The following RBFOX1 variants were observed in gnomAD, a reference collection of about 807,000 sequenced individuals.
RBFOX1 encodes RNA binding protein fox-1 homolog 1.
RBFOX1 carries 8 observed loss-of-function variants against 57.7 expected under a neutral mutation model. The ratio of observed to expected loss-of-function variants is 0.14; its 90% CI spans 0.08 to 0.25. The LOEUF (loss-of-function observed/expected upper bound fraction) is 0.25, where lower values mean the gene tolerates loss of function less well. Ranked by LOEUF, RBFOX1 falls within the 10% of genes least tolerant of loss-of-function variation. The probability of loss-of-function intolerance (pLI) is 1.00; values close to 1 mark genes in which losing one functional copy is unlikely to be tolerated. For synonymous variants in RBFOX1, 326 were observed against 222.4 expected (o/e 1.47, Z -4.15); for missense variants, 611 against 548.5 (o/e 1.11, Z -1.14).
Position 5,378,408 on chromosome 16 carries a change from G to T in RBFOX1, c.220-88808G>T, listed in dbSNP as rs775318823. 2.0e-5 allele frequency among the ~76,000 whole-genome samples: 3 copies of T among 151,556 alleles called. 1 individual carries two copies. The highest frequency in any genetic ancestry group is 4.9e-5 in the African/African-American group (2 of 40,830). On this transcript the variant is annotated intron_variant, in intron 1 of 2. Transcript: ENST00000585867. Reference sequence around the variant, plus strand: ...CACTCCACCCAGCCCGCCCAGGATCGGGGAGTTAGCCTCCCTTCGAACACT... The same window carrying T: ...CACTCCACCCAGCCCGCCCAGGATCTGGGAGTTAGCCTCCCTTCGAACACT...
chr16:6,947,371 T>G (rs1267297226), intron 3 of RBFOX1, among the ~76,000 whole-genome samples: 1 of 152,232 alleles, frequency 6.6e-6, no homozygotes, highest in African/African-American at 2.4e-5. Flanking sequence ...CTGAGCCTTT[T>G]GCATCTTAAT....
chr16:6,168,946 A>G (rs922065662), intron 1 of RBFOX1, among the ~76,000 whole-genome samples: 1 of 152,126 alleles, frequency 6.6e-6, no homozygotes, highest in African/African-American at 2.4e-5. Context: ...GGTCTCTGTA[A>G]CAGAGAAGTT....
chr16:7,393,321 T>C (rs1414726917), intron 4 of RBFOX1, among the ~76,000 whole-genome samples: 1 of 152,220 alleles, frequency 6.6e-6, no homozygotes, highest in Non-Finnish European at 1.5e-5. Context: ...GGGTACTTGA[T>C]TGGCAAGATG....
At chr16:5,798,882 G>A (rs529765708) in intron 3 of RBFOX1, among the ~76,000 whole-genome samples, 72 of 152,060 alleles carry the variant, frequency 4.7e-4, no homozygotes, top group African/African-American at 1.7e-3. Flanking sequence ...CAGAGGTACG[G>A]ACTACTTGCT....
At chr16:6,975,268 T>A (rs1021410182) in intron 3 of RBFOX1, among the ~76,000 whole-genome samples, 1 of 62,208 alleles carries the variant, frequency 1.6e-5, no homozygotes, top group Non-Finnish European at 3.1e-5. Context: ...GTCCTTTTTT[T>A]ATTATTTTTT....
intron 2 of RBFOX1, among the ~76,000 whole-genome samples, chr16:6,580,252 C>A (rs1894857): frequency 0.33 from 49,417 of 151,888 alleles, 9,804 homozygotes; most frequent in Non-Finnish European, 0.44. Flanking sequence ...CCACCATGCC[C>A]GGCCAGGCCT....
At chr16:5,625,600 C>A (rs1018600149) in intron 3 of RBFOX1, among the ~76,000 whole-genome samples, 1 of 151,340 alleles carries the variant, frequency 6.6e-6, no homozygotes, top group South Asian at 2.1e-4. Flanking sequence ...CTCTGTCACC[C>A]CGGCTCGAGT....
intron 3 of RBFOX1, among the ~76,000 whole-genome samples, chr16:5,626,743 T>G (rs116127456): frequency 0.018 from 2,701 of 152,240 alleles, 47 homozygotes; most frequent in African/African-American, 0.046. Flanking sequence ...GTGATAGATC[T>G]TGTGACTGGG....
intron 1 of RBFOX1, among the ~76,000 whole-genome samples, chr16:6,308,355 A>G (rs2152756589): frequency 6.6e-6 from 1 of 152,324 alleles, no homozygotes; most frequent in East Asian, 1.9e-4. Context: ...TGAGCTTGCA[A>G]GCCATGTGTT....
intron 4 of RBFOX1, among the ~76,000 whole-genome samples, chr16:7,428,322 T>A (rs1392448239): frequency 6.9e-6 from 1 of 144,116 alleles, no homozygotes; most frequent in African/African-American, 2.6e-5. Context: ...AGAATTAATA[T>A]CTTTTTTTTT....
chr16:6,503,654 A>C (rs1228741024), intron 2 of RBFOX1, among the ~76,000 whole-genome samples: 4 of 152,162 alleles, frequency 2.6e-5, no homozygotes, highest in Non-Finnish European at 5.9e-5. Context: ...CAGGGACCCC[A>C]GTGCAGCAGT....
At chr16:6,955,132 T>C (rs2081505901) in intron 3 of RBFOX1, among the ~76,000 whole-genome samples, 2 of 151,570 alleles carry the variant, frequency 1.3e-5, no homozygotes, top group East Asian at 1.9e-4. Context: ...TCCCAGCTAC[T>C]TGGGAGGTTG....
At chr16:6,817,451 T>A (rs952708051) in intron 3 of RBFOX1, among the ~76,000 whole-genome samples, 2 of 151,428 alleles carry the variant, frequency 1.3e-5, no homozygotes, top group African/African-American at 4.9e-5. Context: ...CCCAACGCTT[T>A]GTGAGGCAGA....
chr16:6,611,337 G>C (rs1415920225), intron 2 of RBFOX1, among the ~76,000 whole-genome samples: 1 of 152,124 alleles, frequency 6.6e-6, no homozygotes, highest in Non-Finnish European at 1.5e-5. Flanking sequence ...AGTAGAGACA[G>C]GGTTTTGCCA....
chr16:6,817,787 T>A (rs117761483), intron 3 of RBFOX1, among the ~76,000 whole-genome samples: 3,199 of 152,128 alleles, frequency 0.021, 53 homozygotes, highest in Non-Finnish European at 0.034. Context: ...AACTTCTAAG[T>A]TTCTGACAAA....
intron 2 of RBFOX1, among the ~76,000 whole-genome samples, chr16:5,558,981 G>A (rs2045784966): frequency 6.6e-6 from 1 of 152,052 alleles, no homozygotes; most frequent in African/African-American, 2.4e-5. Flanking sequence ...TCAGAGGGAG[G>A]TGATCCCACA....
chr16:6,929,728 A>T (rs1184477852), intron 3 of RBFOX1, among the ~76,000 whole-genome samples: 1 of 152,144 alleles, frequency 6.6e-6, no homozygotes, highest in African/African-American at 2.4e-5. Flanking sequence ...CACATTTATT[A>T]TTTATGAAAT....
intron 2 of RBFOX1, among the ~76,000 whole-genome samples, chr16:6,573,163 A>G (rs375769200): frequency 6.6e-6 from 1 of 152,106 alleles, no homozygotes; most frequent in Non-Finnish European, 1.5e-5. Context: ...ACTACCAGAG[A>G]CTTTACCATC....
chr16:5,311,126 A>G (rs2064076136), intron 1 of RBFOX1, among the ~76,000 whole-genome samples: 1 of 152,232 alleles, frequency 6.6e-6, no homozygotes, highest in Non-Finnish European at 1.5e-5. Flanking sequence ...TTCACTTAGA[A>G]TAATGGCCTC....
Sources: allele counts gnomAD v4.1 joint callset (sites outside exome capture counted in the v4.1 genomes callset), GRCh38; gene constraint gnomAD v4.1.1; transcripts MANE v1.5; gene names NCBI Gene and HGNC (gene_info 2026-07-23, HGNC 2026-07-21).